The following MDGA2 variants were observed in gnomAD, a reference collection of about 807,000 sequenced individuals.
MDGA2 encodes the protein MAM domain-containing glycosylphosphatidylinositol anchor protein 2.
Under a neutral mutation model 117.8 loss-of-function variants are expected in MDGA2, and 40 were observed. The observed-to-expected ratio is 0.34, with a 90% CI of 0.26 to 0.44. MDGA2 has a LOEUF of 0.44. Among genes scored for constraint, MDGA2 ranks in the 20% least tolerant of loss-of-function variants. The pLI is 1.00. For synonymous variants in MDGA2, 452 were observed against 439.0 expected, an observed-to-expected ratio of 1.03 and a Z score of -0.37; for missense variants, 1,123 against 1,250.6, an observed-to-expected ratio of 0.90 and a Z score of 1.54.
At chr14:47,210,199 T>C (rs1885830922) in intron 3 of MDGA2, among the ~76,000 whole-genome samples, 1 of 152,180 alleles carries the variant, frequency 6.6e-6, no homozygotes, top group African/African-American at 2.4e-5. Context: ...TCACTGCTTG[T>C]TCTGAACATA....
chr14:46,968,250 C>T (rs897452291), intron 8 of MDGA2, among the ~76,000 whole-genome samples: 4 of 152,120 alleles, frequency 2.6e-5, no homozygotes, highest in African/African-American at 9.7e-5. Context: ...TCACCTGTTC[C>T]ACAGGTGCCT....
At chr14:47,538,582 A>G (rs1311295094) in intron 1 of MDGA2, among the ~76,000 whole-genome samples, 2 of 152,120 alleles carry the variant, frequency 1.3e-5, no homozygotes, top group African/African-American at 4.8e-5. Flanking sequence ...GTTTTCTCAC[A>G]CTCAAAACAT....
intron 1 of MDGA2, among the ~76,000 whole-genome samples, chr14:47,666,722 C>G (rs1217658123): frequency 6.6e-6 from 1 of 152,152 alleles, no homozygotes; most frequent in Non-Finnish European, 1.5e-5. Flanking sequence ...TCCCCTTCCA[C>G]ACTGTGGAAG....
chr14:47,244,488 G>C (rs1887174243), intron 2 of MDGA2, among the ~76,000 whole-genome samples: 1 of 151,590 alleles, frequency 6.6e-6, no homozygotes, highest in Non-Finnish European at 1.5e-5. Flanking sequence ...ACGTATACTA[G>C]AATACTCTAC....
chr14:47,226,050 G>A (rs1231999717), intron 2 of MDGA2, among the ~76,000 whole-genome samples: 6 of 151,936 alleles, frequency 3.9e-5, no homozygotes, highest in South Asian at 2.1e-4. Flanking sequence ...AGCCCTTGGG[G>A]AGGCCGAGGC....
rs192116895 is a variant in MDGA2, at chr14:47,023,763, T to C, written c.1819+11248A>G. ...TAGTCACATTAGATTTTAGAATTCA[T>C]ACAGAAACTAAGTTATTCATACAGA... On this transcript the variant is annotated intron_variant, in intron 8 of 16. Transcript: ENST00000399232. Among the ~76,000 whole-genome samples the C allele has an allele frequency of 4.5e-3, 680 of 152,286 alleles. 2 individuals are homozygous for C. Among genetic ancestry groups the C allele is most frequent in the Non-Finnish European group, 7.2e-3 (493 of 68,004 alleles).
rs1019863126 is a variant in MDGA2, at chr14:47,533,478, C to A, written c.280+141039G>T. 2.0e-5 allele frequency among the ~76,000 whole-genome samples: 3 copies of A among 152,152 alleles called. 1 individual carries two copies. The South Asian group carries it at 6.2e-4, about 32-fold the overall frequency. On this transcript the variant is annotated intron_variant, in intron 1 of 16. Coordinates refer to ENST00000399232, the MANE Select transcript of MDGA2 (RefSeq NM_001113498.3). ...GACACATATTGGATCAAACATTTTACATAAATTCATCTGGGACTAAGAGGC... is the reference window on the plus strand; with the variant it reads ...GACACATATTGGATCAAACATTTTAAATAAATTCATCTGGGACTAAGAGGC...
chr14:46,874,957 A>C (rs1400044385), intron 12 of MDGA2, among the ~76,000 whole-genome samples: 1 of 151,914 alleles, frequency 6.6e-6, no homozygotes, highest in South Asian at 2.1e-4. Flanking sequence ...CTGCTTGAAA[A>C]AAATAGGTAT....
At chr14:47,407,894 CA>C (rs1892291256) in intron 1 of MDGA2, among the ~76,000 whole-genome samples, 1 of 152,012 alleles carries the variant, frequency 6.6e-6, no homozygotes, top group South Asian at 2.1e-4. Flanking sequence ...TACATTCTAA[CA>C]GGGGGAGACA....
At chr14:47,269,247 A>C (rs923494290) in intron 2 of MDGA2, among the ~76,000 whole-genome samples, 2 of 152,164 alleles carry the variant, frequency 1.3e-5, no homozygotes, top group African/African-American at 4.8e-5. Context: ...TATTCTTATA[A>C]AAGGGAAGCT....
chr14:47,587,485 C>T (rs1430121698), intron 1 of MDGA2, among the ~76,000 whole-genome samples: 2 of 151,670 alleles, frequency 1.3e-5, no homozygotes, highest in African/African-American at 2.4e-5. Context: ...ACTGTGTCTC[C>T]CAAAAATGCA....
intron 2 of MDGA2, among the ~76,000 whole-genome samples, chr14:47,246,848 C>A (rs1391254316): frequency 7.1e-6 from 1 of 140,778 alleles, no homozygotes; most frequent in African/African-American, 2.6e-5. Flanking sequence ...GACGTATCAA[C>A]AAAAAGCCAG....
intron 1 of MDGA2, among the ~76,000 whole-genome samples, chr14:47,511,848 G>C (rs1894648122): frequency 6.6e-6 from 1 of 152,140 alleles, no homozygotes; most frequent in Admixed American, 6.5e-5. Context: ...GGAAGAGCAG[G>C]AAGACAGTGA....
intron 1 of MDGA2, among the ~76,000 whole-genome samples, chr14:47,589,801 G>A (rs1461172956): frequency 1.3e-5 from 2 of 151,842 alleles, no homozygotes; most frequent in East Asian, 1.9e-4. Context: ...CCACGAACAC[G>A]AGATATTTTT....
intron 1 of MDGA2, among the ~76,000 whole-genome samples, chr14:47,552,745 A>G (rs1895607055): frequency 6.6e-6 from 1 of 152,194 alleles, no homozygotes; most frequent in Non-Finnish European, 1.5e-5. Flanking sequence ...TTTTAAATTC[A>G]AAGTAATAGT....
chr14:47,494,952 T>G (rs181075783), intron 1 of MDGA2, among the ~76,000 whole-genome samples: 1 of 151,250 alleles, frequency 6.6e-6, no homozygotes, highest in East Asian at 1.9e-4. Flanking sequence ...CACACATATA[T>G]ATACACACGT....
At chr14:47,656,580 T>G (rs1897748241) in intron 1 of MDGA2, among the ~76,000 whole-genome samples, 1 of 152,176 alleles carries the variant, frequency 6.6e-6, no homozygotes, top group South Asian at 2.1e-4. Flanking sequence ...CTTAGCTGAT[T>G]GTTGGCTGGA....
At chr14:47,301,291 CCACCCACACACACA>C (rs1180860854) in intron 2 of MDGA2, 106 bp downstream of exon 2, 3 of 869,794 alleles carry the variant, frequency 3.4e-6, no homozygotes, top group South Asian at 3.5e-5. Flanking sequence ...ACACCCACAC[CCACCCACACACACA>C]CACACACACA....
intron 1 of MDGA2, among the ~76,000 whole-genome samples, chr14:47,656,646 T>C (rs1897749769): frequency 6.6e-6 from 1 of 152,078 alleles, no homozygotes; most frequent in Admixed American, 6.6e-5. Flanking sequence ...AAAACAGGCA[T>C]GCAAATGTAC....
Sources: gnomAD v4.1 joint callset for allele counts (sites outside exome capture counted in the v4.1 genomes callset) on GRCh38, gnomAD v4.1.1 for gene constraint, MANE v1.5 for transcripts, NCBI Gene and HGNC (gene_info 2026-07-23, HGNC 2026-07-21) for gene names.